DNAH5: variants seen among roughly 807,000 people sequenced by gnomAD.
DNAH5 encodes dynein axonemal heavy chain 5.
In DNAH5, 372 loss-of-function variants were observed where a neutral mutation model predicts 518.2. The observed-to-expected ratio is 0.72, with a 90% CI of 0.66 to 0.78. DNAH5 has a LOEUF of 0.78. Ranked by LOEUF, DNAH5 falls within the 30% of genes least tolerant of loss-of-function variation. The pLI, the probability that DNAH5 is intolerant of heterozygous loss-of-function variation, is 0.00. For missense variants in DNAH5, 5,523 were observed against 5,687.0 expected (o/e 0.97, Z 0.93); for synonymous variants, 2,039 against 2,025.9 (o/e 1.01, Z -0.17).
At chr5:13,811,579 A>G (rs1760722257) in intron 44 of DNAH5, 68 bp downstream of exon 44, 1 of 1,428,488 alleles carries the variant, frequency 7.0e-7, no homozygotes, top group African/African-American at 1.4e-5. Context: ...GAGAGAAAAT[A>G]TAGTACTCTC....
chr5:13,800,692 A>AT (rs1210254518), intron 47 of DNAH5, among the ~76,000 whole-genome samples: 1 of 152,074 alleles, frequency 6.6e-6, no homozygotes, highest in East Asian at 1.9e-4. Flanking sequence ...ATGATTTGTA[A>AT]TTTTACCTAG....
Position 13,717,507 on chromosome 5 carries a change from G to T in DNAH5, c.12513C>A (p.Asp4171Glu), listed in dbSNP as rs547445590. 1.2e-4 allele frequency: 201 copies of T among 1,614,104 alleles called. 1 individual carries two copies. The South Asian group carries it at 2.1e-3, about 17-fold the overall frequency. The change falls in exon 73 of 79, where the codon GAC becomes GAA. Residue 4171 changes from aspartate to glutamate, a missense_variant. Coordinates refer to ENST00000265104, the MANE Select transcript of DNAH5 (RefSeq NM_001369.3). ...GGGACCCAGAGCTCACGTCCAGCAG[G>T]TCTTGGCTGACACCTGTTGTGGTCA... ...LKRTYSGVSQ[D>E]LLDVSSGSQW... is the part of the protein sequence containing the mutation.
chr5:13,960,158 G>A (rs538401331), intron 1 of DNAH5, among the ~76,000 whole-genome samples: 10 of 151,866 alleles, frequency 6.6e-5, no homozygotes, highest in Admixed American at 1.3e-4. Flanking sequence ...TTAGCATGCT[G>A]CAAAAGTTCT....
At chr5:13,895,432 C>T (rs1419475068) in intron 15 of DNAH5, among the ~76,000 whole-genome samples, 3 of 152,152 alleles carry the variant, frequency 2.0e-5, no homozygotes, top group African/African-American at 7.2e-5. Flanking sequence ...TGCAGAAACA[C>T]GGGAATGGCA....
At chr5:13,909,170 A>T (rs951757847) in intron 12 of DNAH5, among the ~76,000 whole-genome samples, 16 of 152,112 alleles carry the variant, frequency 1.1e-4, no homozygotes, top group Non-Finnish European at 1.8e-4. Flanking sequence ...GTCCCCTCTT[A>T]TCCTCAGGAA....
chr5:13,840,073 A>C (rs1580515647), intron 34 of DNAH5, among the ~76,000 whole-genome samples: 1 of 152,300 alleles, frequency 6.6e-6, no homozygotes, highest in East Asian at 1.9e-4. Context: ...CCAAAATTTT[A>C]AGCCACTTTC....
chr5:13,886,000 T>C lies in DNAH5; in HGVS notation c.2707A>G (p.Asn903Asp), dbSNP rs757097741. 3.1e-6 allele frequency: 5 copies of C among 1,613,258 alleles called. No individual in the cohort carries two copies. The highest frequency in any genetic ancestry group is 1.7e-5 in the Admixed American group (1 of 60,002). Reference sequence around the variant, plus strand: ...TTTTTGTAATTAACACTATTCTCATTGGATATTTTTTCACTTTCTTCTTCA... The same window carrying C: ...TTTTTGTAATTAACACTATTCTCATCGGATATTTTTTCACTTTCTTCTTCA... ...LSEEESEKISNENSVNYKNES... is the reference protein window; with the variant it reads ...LSEEESEKISDENSVNYKNES... The change falls in exon 18 of 79, where the codon AAT (asparagine) becomes GAT (aspartate). Residue 903 changes from asparagine to aspartate, a missense_variant. Physicochemically the swap from Asn to Asp is conservative, Grantham distance 23 (BLOSUM62 1). This residue lies in a region of DNAH5 where 5,121 missense variants were observed against 5,223.3 expected (regional missense o/e 0.98). Transcript: ENST00000265104.
rs779353654 is a variant in DNAH5, at chr5:13,793,684, G to C, written c.8055C>G (p.Phe2685Leu). ...ACTCCCCAGGCTTCTCTAGATTATA[G>C]AATCCATTTTGTTCCATCAGCTGTC... ...IVRQLMEQNG[F>L]YNLEKPGEFT... Residue 2685 changes from phenylalanine (F) to leucine (L), a missense_variant, in exon 49 of 79, where the codon TTC becomes TTG. Transcript: ENST00000265104. The C allele has an allele frequency of 1.9e-6, 3 of 1,614,096 alleles. No homozygotes were observed. In the South Asian group the frequency reaches 3.3e-5, roughly 18 times the overall value.
At chr5:13,996,905 C>T (rs933035160) in intron 1 of DNAH5, among the ~76,000 whole-genome samples, 53 of 152,312 alleles carry the variant, frequency 3.5e-4, no homozygotes, top group African/African-American at 1.1e-3. Context: ...CCAACCCCAC[C>T]GTTCTGCCAG....
chr5:13,795,752 G>C (rs1019227199), intron 47 of DNAH5, among the ~76,000 whole-genome samples: 1 of 150,920 alleles, frequency 6.6e-6, no homozygotes, highest in African/African-American at 2.4e-5. Context: ...AACAAAAAAA[G>C]AGAGTTTTAG....
At chr5:13,861,860 G>C (rs1768464593) in intron 29 of DNAH5, among the ~76,000 whole-genome samples, 1 of 149,440 alleles carries the variant, frequency 6.7e-6, no homozygotes, top group Non-Finnish European at 1.5e-5. Context: ...GGAAGCTGCG[G>C]CAGAATCACT....
At chr5:13,924,917 T>C (rs1321808331) in intron 3 of DNAH5, among the ~76,000 whole-genome samples, 3 of 151,972 alleles carry the variant, frequency 2.0e-5, no homozygotes, top group Non-Finnish European at 2.9e-5. Flanking sequence ...CAAGAAATGT[T>C]TAGATCTCCA....
At chr5:13,988,416 A>C (rs1783214063) in intron 1 of DNAH5, among the ~76,000 whole-genome samples, 1 of 148,086 alleles carries the variant, frequency 6.8e-6, no homozygotes, top group South Asian at 2.1e-4. Context: ...CAAAACACCA[A>C]TTTTTTTTTT....
Position 13,864,506 on chromosome 5 carries a change from C to G in DNAH5, c.4487G>C (p.Trp1496Ser). The G allele has an allele frequency of 1.9e-6, 3 of 1,614,148 alleles. No individual in the cohort carries two copies. Among genetic ancestry groups the G allele is most frequent in the Non-Finnish European group, 2.5e-6 (3 of 1,180,024 alleles). The change falls in exon 28 of 79, where the codon TGG becomes TCG. Residue 1496 changes from tryptophan to serine, a missense_variant. Around this residue, in one of 3 missense-constraint regions of DNAH5, gnomAD observed 5,121 missense variants for 5,223.3 expected, o/e 0.98. Coordinates refer to ENST00000265104, the MANE Select transcript of DNAH5 (RefSeq NM_001369.3). ...CCCGGTGAGGGTGGTTATCCTTTCC[C>G]AGTGCCGCTCCATCATGGCTTTACT... ...MASKAMMERH[W>S]ERITTLTGHS...
intron 1 of DNAH5, among the ~76,000 whole-genome samples, chr5:14,001,925 C>T (rs1275226797): frequency 2.0e-5 from 3 of 151,428 alleles, no homozygotes; most frequent in Non-Finnish European, 2.9e-5. Context: ...TTTTAGACAG[C>T]GTCTTGCTCT....
chr5:13,728,315 T>G (rs76459499), intron 69 of DNAH5, among the ~76,000 whole-genome samples: 1 of 152,246 alleles, frequency 6.6e-6, no homozygotes, highest in African/African-American at 2.4e-5. Flanking sequence ...AACAAACAAA[T>G]AATGTCTACA....
In DNAH5 at chr5:13,842,368, G is replaced by A. The variant is rs997798331; in HGVS notation, c.5272-464C>T. 3.9e-4 allele frequency among the ~76,000 whole-genome samples: 58 copies of A among 150,192 alleles called. 1 individual carries two copies. Among genetic ancestry groups the A allele is most frequent in the African/African-American group, 1.4e-3 (56 of 40,758 alleles). ...GCACTCCAGGCTGGGCAACAAGAGCGAGACTCCGTCTCAAAAAAAGAAAGA... is the reference window on the plus strand; with the variant it reads ...GCACTCCAGGCTGGGCAACAAGAGCAAGACTCCGTCTCAAAAAAAGAAAGA... On this transcript the variant is annotated intron_variant, in intron 32 of 78. Transcript: ENST00000265104.
chr5:14,002,174 G>A (rs944819691), intron 1 of DNAH5, among the ~76,000 whole-genome samples: 4 of 152,144 alleles, frequency 2.6e-5, no homozygotes, highest in Non-Finnish European at 5.9e-5. Flanking sequence ...TGGGATTACA[G>A]GTTTGAGCCA....
At chr5:13,906,440 A>G (rs1336208333) in intron 12 of DNAH5, among the ~76,000 whole-genome samples, 1 of 152,216 alleles carries the variant, frequency 6.6e-6, no homozygotes, top group East Asian at 1.9e-4. Context: ...GTCATTTTTA[A>G]AAAATATTTA....
Sources: allele counts gnomAD v4.1 joint callset (sites outside exome capture counted in the v4.1 genomes callset), GRCh38; gene constraint gnomAD v4.1.1; regional missense constraint gnomAD v4.1.1; transcripts MANE v1.5; gene names NCBI Gene and HGNC (gene_info 2026-07-23, HGNC 2026-07-21).